GUCY1B1: variants seen among roughly 807,000 people sequenced by gnomAD.
GUCY1B1 encodes guanylate cyclase soluble subunit beta-1.
In GUCY1B1, 43 loss-of-function variants were observed where a neutral mutation model predicts 71.0. The observed-to-expected ratio is 0.61, with a 90% CI of 0.47 to 0.78. The LOEUF (loss-of-function observed/expected upper bound fraction) is 0.78, where lower values mean the gene tolerates loss of function less well. Among genes scored for constraint, GUCY1B1 ranks in the 30% least tolerant of loss-of-function variants. GUCY1B1 has a pLI of 0.00. For missense variants in GUCY1B1, 535 were observed against 754.1 expected, an observed-to-expected ratio of 0.71 and a Z score of 3.40; for synonymous variants, 266 against 259.7, an observed-to-expected ratio of 1.02 and a Z score of -0.23.
rs116866647 is a variant in GUCY1B1 at position 155,770,326 on chromosome 4, C to T, written c.78-4642C>T. 2.6e-5 allele frequency among the ~76,000 whole-genome samples: 4 copies of T among 152,204 alleles called. No homozygotes were observed. In the East Asian group the frequency reaches 7.7e-4, roughly 29 times the overall value. ...TAAAACTTTCCTCAAAGAACAGTGGCAGCTATATTTTGCAGAGTGCTGGGA... is the reference window on the plus strand; with the variant it reads ...TAAAACTTTCCTCAAAGAACAGTGGTAGCTATATTTTGCAGAGTGCTGGGA... On this transcript the variant is annotated intron_variant, in intron 2 of 13. Coordinates refer to ENST00000264424, the MANE Select transcript of GUCY1B1 (RefSeq NM_000857.5).
Position 155,787,603 on chromosome 4 carries a change from C to G in GUCY1B1, c.298-2111C>G, listed in dbSNP as rs144465853. ...ATCCATTTGTGATATAAACCATGAGCTGCTTAATCCTCATCATGCAGATCT... is the reference window on the plus strand; with the variant it reads ...ATCCATTTGTGATATAAACCATGAGGTGCTTAATCCTCATCATGCAGATCT... On this transcript the variant is annotated intron_variant, in intron 4 of 13. Coordinates refer to ENST00000264424, the MANE Select transcript of GUCY1B1 (RefSeq NM_000857.5). Among the ~76,000 whole-genome samples, 8 of 152,318 alleles carry G rather than the reference C, an allele frequency of 5.3e-5. No individual in the cohort carries two copies. The East Asian group carries it at 1.5e-3, about 29-fold the overall frequency.
chr4:155,797,167 A>G (rs539211009), intron 8 of GUCY1B1, among the ~76,000 whole-genome samples: 4 of 152,304 alleles, frequency 2.6e-5, no homozygotes, highest in African/African-American at 4.8e-5. Flanking sequence ...CTTCAGAACA[A>G]TAGAAAAGAT....
At chr4:155,761,687 G>T (rs913944271) in intron 2 of GUCY1B1, among the ~76,000 whole-genome samples, 1 of 152,054 alleles carries the variant, frequency 6.6e-6, no homozygotes, top group Non-Finnish European at 1.5e-5. Flanking sequence ...TTCAATTGAC[G>T]AGAATTTAAC....
chr4:155,779,282 C>T (rs886635486), intron 4 of GUCY1B1, among the ~76,000 whole-genome samples: 1 of 152,106 alleles, frequency 6.6e-6, no homozygotes, highest in African/African-American at 2.4e-5. Context: ...GAGTGAGACC[C>T]TGTCTCTACA....
intron 2 of GUCY1B1, among the ~76,000 whole-genome samples, chr4:155,766,507 A>G (rs1737344851): frequency 6.6e-6 from 1 of 152,176 alleles, no homozygotes; most frequent in South Asian, 2.1e-4. Context: ...TGTTAACTGT[A>G]ATTGTTCATT....
chr4:155,794,331 T>TA (rs1418835087), intron 6 of GUCY1B1, among the ~76,000 whole-genome samples: 2 of 152,218 alleles, frequency 1.3e-5, no homozygotes, highest in Admixed American at 6.5e-5. Context: ...GTAAGAATAG[T>TA]ATACTTGTTA....
rs562698203 is a variant in GUCY1B1 at position 155,797,719 on chromosome 4, G to A, written c.977+1209G>A. Among the ~76,000 whole-genome samples the A allele has an allele frequency of 4.1e-3, 415 of 100,338 alleles. 3 individuals carry two copies. Among genetic ancestry groups the A allele is most frequent in the African/African-American group, 0.015 (405 of 26,744 alleles). The allele number at this position is 100,338 out of a possible 152,430, so 65.8% of individuals were successfully genotyped here. ...TGCCACTGCACTCCTGGGCAACAGA[G>A]CAAGACACTGTCTCAAAATAATAAT... On this transcript the variant is annotated intron_variant, in intron 8 of 13. Transcript: ENST00000264424.
At chr4:155,775,790 A>G (rs1235532630) in intron 3 of GUCY1B1, among the ~76,000 whole-genome samples, 1 of 152,268 alleles carries the variant, frequency 6.6e-6, no homozygotes, top group Non-Finnish European at 1.5e-5. Context: ...GAGATCTACC[A>G]CAGATAAATA....
chr4:155,794,023 A>C lies in GUCY1B1; in HGVS notation c.663A>C (p.Ile221=), dbSNP rs1397687560. The C allele has an allele frequency of 6.2e-7, 1 of 1,613,392 alleles. No individual in the cohort carries two copies. The highest frequency in any genetic ancestry group is 8.5e-7 in the Non-Finnish European group (1 of 1,179,438). The change falls in exon 6 of 14, where the codon ATA becomes ATC. Residue 221 remains isoleucine (I), a synonymous_variant. Coordinates refer to ENST00000264424, the MANE Select transcript of GUCY1B1 (RefSeq NM_000857.5). The part of the protein sequence containing the change: ...YTFCKAFPFH[I]IFDRDLVVTQ... ...TCTGCAAAGCTTTTCCTTTTCATAT[A>C]ATATTTGACCGGGACCTAGTGGTCA...
At chr4:155,800,182 T>G in intron 9 of GUCY1B1, 108 bp downstream of exon 9, 12 of 594,890 alleles carry the variant, frequency 2.0e-5, no homozygotes, top group Non-Finnish European at 3.4e-5. Context: ...GTAATAGCTC[T>G]GGTGTAGTAA....
intron 2 of GUCY1B1, among the ~76,000 whole-genome samples, chr4:155,770,046 A>G (rs1737594810): frequency 3.3e-5 from 5 of 152,200 alleles, no homozygotes; most frequent in Admixed American, 3.3e-4. Flanking sequence ...TAAATTTTAA[A>G]TTACTAGAAG....
chr4:155,774,625 T>C (rs1229413440), intron 2 of GUCY1B1, among the ~76,000 whole-genome samples: 1 of 152,206 alleles, frequency 6.6e-6, no homozygotes, highest in Non-Finnish European at 1.5e-5. Flanking sequence ...GTCTGGCACC[T>C]AATAGGGACT....
At chr4:155,795,776 G>A (rs756230616) in intron 7 of GUCY1B1, among the ~76,000 whole-genome samples, 7 of 149,308 alleles carry the variant, frequency 4.7e-5, no homozygotes, top group Non-Finnish European at 1.0e-4. Flanking sequence ...AACTAAAAAG[G>A]ATTTTTTTTT....
intron 7 of GUCY1B1, among the ~76,000 whole-genome samples, chr4:155,795,708 C>A (rs1469319199): frequency 3.3e-5 from 5 of 151,936 alleles, no homozygotes; most frequent in Middle Eastern, 3.2e-3. Flanking sequence ...TGTTTCACAT[C>A]AAAAAACCAA....
At chr4:155,786,571 G>A (rs1312186011) in intron 4 of GUCY1B1, among the ~76,000 whole-genome samples, 2 of 142,644 alleles carry the variant, frequency 1.4e-5, no homozygotes, top group African/African-American at 5.2e-5. Context: ...CCGGGTTCAT[G>A]CCATTCTCCT....
chr4:155,766,429 C>T (rs562018082), intron 2 of GUCY1B1, among the ~76,000 whole-genome samples: 1 of 152,110 alleles, frequency 6.6e-6, no homozygotes, highest in Admixed American at 6.5e-5. Context: ...CATAGGCACC[C>T]TCTTTTTTTG....
rs1241863434 is a variant in GUCY1B1, at chr4:155,799,990, A to C, written c.1091A>C (p.Lys364Thr). ...LLGEQFREEY[K>T]LTQELEILTD... The stretch of plus-strand genomic sequence containing the variant: ...GGAGAACAATTTAGAGAGGAATACA[A>C]ACTCACCCAAGAACTGGAAATCCTC... The change falls in exon 9 of 14, where the codon AAA becomes ACA. Residue 364 changes from lysine to threonine, a missense_variant. Transcript: ENST00000264424. 1 of 1,613,668 alleles carries C rather than the reference A, an allele frequency of 6.2e-7. No homozygotes were observed. Among genetic ancestry groups the C allele is most frequent in the Non-Finnish European group, 8.5e-7 (1 of 1,179,660 alleles).
At chr4:155,787,696 T>G (rs147878374) in intron 4 of GUCY1B1, among the ~76,000 whole-genome samples, 2 of 152,242 alleles carry the variant, frequency 1.3e-5, no homozygotes, top group Non-Finnish European at 2.9e-5. Context: ...GCACATACAA[T>G]AACATTATAG....
At chr4:155,795,118 A>G (rs1453284870) in intron 6 of GUCY1B1, among the ~76,000 whole-genome samples, 1 of 152,162 alleles carries the variant, frequency 6.6e-6, no homozygotes, top group African/African-American at 2.4e-5. Context: ...ATCTGAATCC[A>G]TATCAGATTT....
Sources: allele counts gnomAD v4.1 joint callset (sites outside exome capture counted in the v4.1 genomes callset), GRCh38; gene constraint gnomAD v4.1.1; transcripts MANE v1.5; gene names NCBI Gene and HGNC (gene_info 2026-07-23, HGNC 2026-07-21).